DGKQ: variants seen among roughly 807,000 people sequenced by gnomAD.
DGKQ encodes diacylglycerol kinase theta.
Under a neutral mutation model 104.2 loss-of-function variants are expected in DGKQ, and 97 were observed. The observed-to-expected ratio is 0.93, with a 90% CI of 0.79 to 1.10. The LOEUF is 1.10. Among genes scored for constraint, DGKQ ranks in the 50% least tolerant of loss-of-function variants. The pLI is 0.00. For missense variants in DGKQ, 1,465 were observed against 1,352.1 expected (o/e 1.08, Z -1.31); for synonymous variants, 736 against 595.2 (o/e 1.24, Z -3.44).
chr4:967,855 G>GCGCCCCGGC, intron 6 of DGKQ, 25 bp downstream of exon 6: 5 of 1,490,972 alleles, frequency 3.4e-6, no homozygotes, highest in Non-Finnish European at 3.6e-6. Flanking sequence ...CCAGCCCAGG[G>GCGCCCCGGC]CGCCCCGGCC....
chr4:965,248 C>T lies in DGKQ; in HGVS notation c.1662G>A (p.Arg554=). Residue 554 remains arginine, a synonymous_variant, in exon 15 of 23, where the codon CGG becomes CGA. Coordinates refer to ENST00000273814, the MANE Select transcript of DGKQ (RefSeq NM_001347.4). ...CCATGTCCTTCAGCAGCATGTACAG[C>T]CGCTCGGCCTCCGCAAAGCAGGCAA... ...LDVACFAEAE[R]LYMLLKDMAV... 1 of 1,612,716 alleles carries T rather than the reference C, an allele frequency of 6.2e-7. No individual in the cohort carries two copies. The highest frequency in any genetic ancestry group is 1.3e-5 in the African/African-American group (1 of 75,044).
intron 21 of DGKQ, 42 bp downstream of exon 21, chr4:961,425 C>A: frequency 1.9e-6 from 3 of 1,543,660 alleles, no homozygotes; most frequent in Non-Finnish European, 2.6e-6. Flanking sequence ...GGACCGGGGA[C>A]GCCCACCCTG....
chr4:973,282 C>G lies in DGKQ; in HGVS notation c.201G>C (p.Thr67=), dbSNP rs765514849. The change falls in exon 1 of 23, where the codon ACG becomes ACC. Residue 67 remains threonine, a synonymous_variant. Transcript: ENST00000273814. ...GGTGGCAGAAGGTGGGCTTGGTGAGCGTCACCTTCCGGAAGCTGTGTCCCG... is the reference window on the plus strand; with the variant it reads ...GGTGGCAGAAGGTGGGCTTGGTGAGGGTCACCTTCCGGAAGCTGTGTCCCG... ...AAPGHSFRKV[T]LTKPTFCHLC... is the part of the protein sequence containing the mutation. The G allele has an allele frequency of 6.5e-7, 1 of 1,535,150 alleles. No individual in the cohort carries two copies. Among genetic ancestry groups the G allele is most frequent in the Non-Finnish European group, 8.7e-7 (1 of 1,143,776 alleles).
chr4:961,276 AGGCC>A, intron 21 of DGKQ, 75 bp from the exon 22 acceptor site: 1 of 1,335,520 alleles, frequency 7.5e-7, no homozygotes, highest in African/African-American at 1.6e-5. Context: ...GGGGCGGGAG[AGGCC>A]AGCCGAGCAG....
intron 13 of DGKQ, 57 bp from the exon 14 acceptor site, chr4:965,586 G>A: frequency 1.9e-6 from 3 of 1,581,590 alleles, no homozygotes; most frequent in South Asian, 1.1e-5. Context: ...CAGCACTGGG[G>A]CCAGGGACAG....
chr4:973,378 C>G lies in DGKQ; in HGVS notation c.105G>C (p.Ala35=). The change falls in exon 1 of 23, where the codon GCG becomes GCC. Residue 35 remains alanine (A), a synonymous_variant. Transcript: ENST00000273814. ...CSPVLGSGGR[A]RPGPGPGPGP... ...CCGGCCCCGGCCCCGGCCCCGGGCG[C>G]GCGCGGCCTCCTGAGCCCAGCACGG... 8.9e-7 allele frequency: 1 copy of G among 1,128,194 alleles called. No individual in the cohort carries two copies. The highest frequency in any genetic ancestry group is 1.1e-6 in the Non-Finnish European group (1 of 924,754). The allele number at this position is 1,128,194 out of a possible 1,614,324, so 69.9% of individuals were successfully genotyped here.
At chr4:968,443 C>T in intron 4 of DGKQ, 36 bp from the exon 5 acceptor site, 4 of 1,592,130 alleles carry the variant, frequency 2.5e-6, no homozygotes, top group Non-Finnish European at 3.4e-6. Flanking sequence ...TGGGCCCGCC[C>T]CACCCCCCAG....
Position 973,558 on chromosome 4 carries a change from C to A in DGKQ, c.-76G>T. 1 of 980,794 alleles carries A rather than the reference C, an allele frequency of 1.0e-6. No individual in the cohort carries two copies. The highest frequency in any genetic ancestry group is 1.2e-6 in the Non-Finnish European group (1 of 826,190). 60.8% of individuals were successfully genotyped at this position (980,794 alleles called of 1,614,324 possible). On this transcript the variant is annotated 5_prime_UTR_variant, in exon 1 of 23. Coordinates refer to ENST00000273814, the MANE Select transcript of DGKQ (RefSeq NM_001347.4). ...AGCCGCCGCTCCACGGCCCGGTACA[C>A]TGCTTCCGACTGCGCCTGCCCCACT...
At position 971,138 on chromosome 4, in the gene DGKQ, T is replaced by C. The variant is rs1397305138; in HGVS notation, c.272-66A>G. ...CCAATGGCTGTCCTACCCAGGAAGT[T>C]AGAGGCCCCAGGGCAATGACTGCCA... is the stretch of plus-strand genomic sequence containing the variant. On this transcript the variant is annotated intron_variant, in intron 1 of 22. Coordinates refer to ENST00000273814, the MANE Select transcript of DGKQ (RefSeq NM_001347.4). This position sits in a 1 kb window ranked among gnomAD's most constrained non-coding sequence, Gnocchi z 4.0. 7.8e-7 allele frequency: 1 copy of C among 1,288,616 alleles called. No homozygotes were observed. The highest frequency in any genetic ancestry group is 1.1e-6 in the Non-Finnish European group (1 of 912,782). The allele number at this position is 1,288,616 out of a possible 1,614,324, so 79.8% of individuals were successfully genotyped here.
intron 15 of DGKQ, among the ~76,000 whole-genome samples, chr4:964,419 G>A (rs1461019428): frequency 2.6e-5 from 4 of 152,308 alleles, no homozygotes; most frequent in Non-Finnish European, 5.9e-5. Flanking sequence ...GGCTGAGGAC[G>A]AGAGGCCAAT....
Position 968,407 on chromosome 4 carries a change from C to T in DGKQ, c.538G>A (p.Asp180Asn). Residue 180 changes from aspartate to asparagine, a missense_variant and splice_region_variant, in exon 5 of 23, where the codon GAC (aspartate) becomes AAC (asparagine). By Grantham distance (23) the Asp-to-Asn change is conservative. Coordinates refer to ENST00000273814, the MANE Select transcript of DGKQ (RefSeq NM_001347.4). ...TCCCGCCAGTGGTGGTGATGGGTGT[C>T]CTGCAGAGCGGGGGCAGTCAGCAGC... ...QCHQDGHQDH[D>N]THHHHWREGN... 1 of 1,580,824 alleles carries T rather than the reference C, an allele frequency of 6.3e-7. No individual in the cohort carries two copies. The highest frequency in any genetic ancestry group is 1.8e-4 in the Middle Eastern group (1 of 5,510).
At chr4:968,055 G>T (rs769099730) in intron 5 of DGKQ, 28 bp from the exon 6 acceptor site, 14 of 1,410,210 alleles carry the variant, frequency 9.9e-6, no homozygotes, top group Non-Finnish European at 1.3e-5. Flanking sequence ...TGAGCTGGGG[G>T]GTTGGAGCCA....
In DGKQ at chr4:968,801, C is replaced by T. The variant is rs538586273; in HGVS notation, c.451+10G>A. 2 of 1,605,210 alleles carry T rather than the reference C, an allele frequency of 1.2e-6. No individual in the cohort carries two copies. The highest frequency in any genetic ancestry group is 3.4e-5 in the Admixed American group (2 of 59,234). ...GACACTGGGTGGGGAGCCAGGCAGG[C>T]TCCAGGTACCTTCGCAGTGGAGCGC... On this transcript the variant is annotated intron_variant, in intron 3 of 22. Coordinates refer to ENST00000273814, the MANE Select transcript of DGKQ (RefSeq NM_001347.4).
intron 16 of DGKQ, 25 bp from the exon 17 acceptor site, chr4:962,945 C>T (rs1044286296): frequency 2.5e-6 from 4 of 1,595,678 alleles, no homozygotes; most frequent in African/African-American, 1.3e-5. Flanking sequence ...GAAGTGTCCT[C>T]TACCAGCTGC....
In DGKQ at chr4:968,379, C is replaced by A. The variant is rs778262598; in HGVS notation, c.566G>T (p.Gly189Val). 3 of 1,561,484 alleles carry A rather than the reference C, an allele frequency of 1.9e-6. No homozygotes were observed. Among genetic ancestry groups the A allele is most frequent in the Non-Finnish European group, 2.6e-6 (3 of 1,155,742 alleles). ...HDTHHHHWRE[G>V]NLPSGARCEV... ...GCAGCGCGCTCCCGAGGGCAGGTTC[C>A]CCTCCCGCCAGTGGTGGTGATGGGT... is the stretch of plus-strand genomic sequence containing the variant. The change falls in exon 5 of 23, where the codon GGG (glycine) becomes GTG (valine). Residue 189 changes from glycine to valine, a missense_variant. Coordinates refer to ENST00000273814, the MANE Select transcript of DGKQ (RefSeq NM_001347.4).
chr4:965,401 G>A, intron 14 of DGKQ, 90 bp downstream of exon 14: 1 of 1,550,220 alleles, frequency 6.5e-7, no homozygotes, highest in Non-Finnish European at 8.8e-7. Context: ...CAAGGGAAAG[G>A]TCAGGTGCTA....
chr4:967,142 G>T lies in DGKQ; in HGVS notation c.1207C>A (p.Pro403Thr). The T allele has an allele frequency of 6.3e-7, 1 of 1,594,890 alleles. No homozygotes were observed. The highest frequency in any genetic ancestry group is 1.1e-5 in the South Asian group (1 of 87,832). Residue 403 changes from proline to threonine, a missense_variant, in exon 9 of 23, where the codon CCT (proline) becomes ACT (threonine). Transcript: ENST00000273814. ...GCCCAGTCTCACTTGAGCCAGCCAG[G>T]GTAGATCTTCAGGACCTCCTGGGCC... Reference protein sequence around the residue: ...PRAQEVLKIYPGWLKVGVAYV... With the variant: ...PRAQEVLKIYTGWLKVGVAYV...
chr4:969,146 C>T lies in DGKQ; in HGVS notation c.352-236G>A, dbSNP rs374989253. Among the ~76,000 whole-genome samples, 323 of 151,016 alleles carry T rather than the reference C, an allele frequency of 2.1e-3. 2 individuals are homozygous for T. The highest frequency in any genetic ancestry group is 7.5e-3 in the African/African-American group (307 of 41,188). ...GGCCTCCTCCAGCAGCCCTGCCTAGCGCAGGGGAGCGAGGCCCCAGGAACA... is the reference window on the plus strand; with the variant it reads ...GGCCTCCTCCAGCAGCCCTGCCTAGTGCAGGGGAGCGAGGCCCCAGGAACA... On this transcript the variant is annotated intron_variant, in intron 2 of 22. Transcript: ENST00000273814.
rs758246579 is a variant in DGKQ, at chr4:963,299, CA to C, written c.1735-10del. The stretch of plus-strand genomic sequence containing the variant: ...GGGGGCAGCTTCGCGTGCTGACAGA[CA>C]GGGGGCTGGGTTAGGATGGGGACCC... On this transcript the variant is annotated splice_polypyrimidine_tract_variant and intron_variant, in intron 15 of 22. Coordinates refer to ENST00000273814, the MANE Select transcript of DGKQ (RefSeq NM_001347.4). 25 of 1,597,160 alleles carry C rather than the reference CA, an allele frequency of 1.6e-5. No homozygotes were observed. In the East Asian group the frequency reaches 1.8e-4, roughly 12 times the overall value.
Sources: gnomAD v4.1 joint callset for allele counts (sites outside exome capture counted in the v4.1 genomes callset) on GRCh38, gnomAD v4.1.1 for gene constraint, Gnocchi (gnomAD v3.1) non-coding constraint, MANE v1.5 for transcripts, NCBI Gene and HGNC (gene_info 2026-07-23, HGNC 2026-07-21) for gene names.